CTNNA3: variants seen among roughly 807,000 people sequenced by gnomAD.
CTNNA3 encodes the protein catenin alpha 3.
CTNNA3 carries 76 observed loss-of-function variants against 95.7 expected under a neutral mutation model. The ratio of observed to expected loss-of-function variants is 0.79; its 90% CI spans 0.66 to 0.96. The LOEUF (loss-of-function observed/expected upper bound fraction) is 0.96, where lower values mean the gene tolerates loss of function less well. Among genes scored for constraint, CTNNA3 ranks in the 40% least tolerant of loss-of-function variants. The probability of loss-of-function intolerance (pLI) is 0.00; values close to 1 mark genes in which losing one functional copy is unlikely to be tolerated. For synonymous variants in CTNNA3, 431 were observed against 374.4 expected (o/e 1.15, Z -1.74); for missense variants, 1,191 against 1,089.8 (o/e 1.09, Z -1.31).
At position 67,305,940 on chromosome 10, in the gene CTNNA3, T is replaced by C. The variant is rs192762019; in HGVS notation, c.580-86070A>G. Among the ~76,000 whole-genome samples, 286 of 152,284 alleles carry C rather than the reference T, an allele frequency of 1.9e-3. 1 individual carries two copies. The highest frequency in any genetic ancestry group is 2.8e-3 in the Non-Finnish European group (189 of 68,022). On this transcript the variant is annotated intron_variant, in intron 5 of 17. Coordinates refer to ENST00000433211, the MANE Select transcript of CTNNA3 (RefSeq NM_013266.4). ...CCAAAACAAGCGTTTGAGGAGATAT[T>C]GGTCTATGGTATAGGTTGAGTAAAT...
chr10:66,833,356 C>T (rs1029249896), intron 7 of CTNNA3, among the ~76,000 whole-genome samples: 2 of 152,216 alleles, frequency 1.3e-5, no homozygotes, highest in Non-Finnish European at 2.9e-5. Flanking sequence ...ATCCAATCCA[C>T]ATTTTTCTAT....
chr10:66,604,609 A>G (rs1844050932), intron 10 of CTNNA3, among the ~76,000 whole-genome samples: 1 of 152,022 alleles, frequency 6.6e-6, no homozygotes. Context: ...CAGATTTCTA[A>G]CCTCAAAGAA....
At chr10:66,199,568 T>C (rs2087185128) in intron 13 of CTNNA3, among the ~76,000 whole-genome samples, 1 of 151,310 alleles carries the variant, frequency 6.6e-6, no homozygotes, top group Non-Finnish European at 1.5e-5. Flanking sequence ...ATTATCTCAC[T>C]ACACTTCAGA....
At chr10:66,719,625 G>C (rs2132631553) in intron 9 of CTNNA3, among the ~76,000 whole-genome samples, 1 of 152,220 alleles carries the variant, frequency 6.6e-6, no homozygotes, top group East Asian at 1.9e-4. Flanking sequence ...AGGGTAACCA[G>C]AAGCACGATC....
intron 7 of CTNNA3, among the ~76,000 whole-genome samples, chr10:66,834,736 T>C (rs1455818335): frequency 2.0e-5 from 3 of 152,244 alleles, no homozygotes; most frequent in Non-Finnish European, 4.4e-5. Flanking sequence ...ATGCAAGGCC[T>C]GCTAGAGCTC....
chr10:66,928,093 C>A lies in CTNNA3; in HGVS notation c.1048-152569G>T, dbSNP rs538826516. On this transcript the variant is annotated intron_variant, in intron 7 of 17. Transcript: ENST00000433211. ...CCCCAGGCCGAAGCATGAGAGCAAA[C>A]CCCCTTTGCCCCCGACGGTGGGAGC... The A allele has an allele frequency of 5.0e-6, 8 of 1,614,064 alleles. No homozygotes were observed. The South Asian group carries it at 7.7e-5, about 16-fold the overall frequency.
chr10:66,791,431 T>G (rs1840964190), intron 7 of CTNNA3, among the ~76,000 whole-genome samples: 1 of 152,204 alleles, frequency 6.6e-6, no homozygotes, highest in Non-Finnish European at 1.5e-5. Flanking sequence ...TTTGGAATTA[T>G]TTTCCCATTC....
At chr10:66,438,348 T>G (rs969296757) in intron 11 of CTNNA3, among the ~76,000 whole-genome samples, 7 of 152,216 alleles carry the variant, frequency 4.6e-5, no homozygotes, top group African/African-American at 1.7e-4. Context: ...GAGTTTTATT[T>G]ATAAGCCCCT....
At chr10:67,522,144 T>C (rs926193663) in intron 4 of CTNNA3, among the ~76,000 whole-genome samples, 183 bp from the exon 5 acceptor site, 2 of 152,146 alleles carry the variant, frequency 1.3e-5, no homozygotes, top group African/African-American at 4.8e-5. Context: ...TTATAAACCA[T>C]ATTCTAAGTA....
At chr10:66,856,852 G>A (rs898834309) in intron 7 of CTNNA3, among the ~76,000 whole-genome samples, 2 of 152,022 alleles carry the variant, frequency 1.3e-5, no homozygotes, top group African/African-American at 4.8e-5. Flanking sequence ...TATCCTGCAG[G>A]TTGTCTGTTT....
intron 7 of CTNNA3, among the ~76,000 whole-genome samples, chr10:67,026,043 A>G (rs1056156508): frequency 2.7e-4 from 40 of 148,424 alleles, no homozygotes; most frequent in Non-Finnish European, 4.6e-4. Flanking sequence ...TCATTCATAG[A>G]TGGGAATTGA....
intron 13 of CTNNA3, among the ~76,000 whole-genome samples, chr10:66,120,076 A>G (rs2082513705): frequency 6.6e-6 from 1 of 152,184 alleles, no homozygotes; most frequent in Non-Finnish European, 1.5e-5. Flanking sequence ...CTCAGCTCAG[A>G]GCACACAGTA....
At chr10:66,293,083 A>G (rs2132200524) in intron 12 of CTNNA3, among the ~76,000 whole-genome samples, 1 of 152,310 alleles carries the variant, frequency 6.6e-6, no homozygotes. Context: ...ACTAAGGTTC[A>G]GTCAGATTAA....
chr10:66,725,691 G>T (rs2132650718), intron 9 of CTNNA3, among the ~76,000 whole-genome samples: 1 of 152,214 alleles, frequency 6.6e-6, no homozygotes, highest in Non-Finnish European at 1.5e-5. Context: ...AAATATGTTT[G>T]AGCTATACGA....
chr10:67,562,738 C>T (rs1841569671), intron 3 of CTNNA3, among the ~76,000 whole-genome samples: 1 of 152,154 alleles, frequency 6.6e-6, no homozygotes, highest in African/African-American at 2.4e-5. Context: ...ATCTAGAAAA[C>T]CCCATCATCT....
rs115394446 is a variant in CTNNA3 at position 66,188,993 on chromosome 10, T to C, written c.1885-85744A>G. On this transcript the variant is annotated intron_variant, in intron 13 of 17. Coordinates refer to ENST00000433211, the MANE Select transcript of CTNNA3 (RefSeq NM_013266.4). The stretch of plus-strand genomic sequence containing the variant: ...CTGATCATTAGTGATCTTGAGCACC[T>C]TTTCATATACCTACTAGCCATTTTA... 6.8e-3 allele frequency among the ~76,000 whole-genome samples: 1,041 copies of C among 152,250 alleles called. 21 individuals are homozygous for C. Among genetic ancestry groups the C allele is most frequent in the African/African-American group, 0.023 (970 of 41,544 alleles).
At chr10:66,236,338 C>A (rs2089854255) in intron 13 of CTNNA3, among the ~76,000 whole-genome samples, 1 of 152,136 alleles carries the variant, frequency 6.6e-6, no homozygotes. Flanking sequence ...AGCAAGCATA[C>A]AAATTCTCAG....
intron 5 of CTNNA3, among the ~76,000 whole-genome samples, chr10:67,470,924 G>A (rs896683684): frequency 6.6e-6 from 1 of 151,950 alleles, no homozygotes; most frequent in African/African-American, 2.4e-5. Context: ...GAGACTACAG[G>A]CATGTGCCAC....
At chr10:66,738,604 A>G (rs1005052547) in intron 9 of CTNNA3, among the ~76,000 whole-genome samples, 1 of 152,216 alleles carries the variant, frequency 6.6e-6, no homozygotes, top group Non-Finnish European at 1.5e-5. Flanking sequence ...TTCTGTAGAA[A>G]GAGTTTGGTC....
Sources: gnomAD v4.1 joint callset for allele counts (sites outside exome capture counted in the v4.1 genomes callset) on GRCh38, gnomAD v4.1.1 for gene constraint, MANE v1.5 for transcripts, NCBI Gene and HGNC (gene_info 2026-07-23, HGNC 2026-07-21) for gene names.